GRAMD2B: variants seen among roughly 807,000 people sequenced by gnomAD.
GRAMD2B encodes GRAM domain containing 2B.
Under a neutral mutation model 59.2 loss-of-function variants are expected in GRAMD2B, and 41 were observed. The observed-to-expected ratio is 0.69, with a 90% CI of 0.54 to 0.90. The LOEUF (loss-of-function observed/expected upper bound fraction) is 0.90. GRAMD2B is among the 40% of genes least tolerant of loss of function. The pLI is 0.00. For synonymous variants in GRAMD2B, 161 were observed against 182.7 expected, an observed-to-expected ratio of 0.88 and a Z score of 0.96; for missense variants, 424 against 500.5, an observed-to-expected ratio of 0.85 and a Z score of 1.46.
chr5:126,369,439 G>A (rs1396158810), upstream of GRAMD2B, among the ~76,000 whole-genome samples: 1 of 152,234 alleles, frequency 6.6e-6, no homozygotes, highest in East Asian at 1.9e-4. Flanking sequence ...AAATTATCTA[G>A]TAGAGATGCT....
intron 1 of GRAMD2B, among the ~76,000 whole-genome samples, chr5:126,451,257 T>C (rs1241445890): frequency 6.6e-6 from 1 of 152,268 alleles, no homozygotes; most frequent in Non-Finnish European, 1.5e-5. Flanking sequence ...TTCTGTTGTT[T>C]ACAAGTATGT....
intron 1 of GRAMD2B, among the ~76,000 whole-genome samples, chr5:126,394,167 C>T (rs555394053): frequency 2.0e-5 from 3 of 151,080 alleles, no homozygotes; most frequent in East Asian, 2.0e-4. Context: ...CCCAGCTACT[C>T]GGGAGGCTGA....
At chr5:126,454,887 T>C (rs547434890) in intron 1 of GRAMD2B, among the ~76,000 whole-genome samples, 2 of 152,352 alleles carry the variant, frequency 1.3e-5, no homozygotes, top group South Asian at 4.1e-4. Context: ...TATTTGGGGC[T>C]CCTTTGGTTT....
chr5:126,406,357 AAAAT>A (rs1054908919), intron 1 of GRAMD2B, among the ~76,000 whole-genome samples: 22 of 151,974 alleles, frequency 1.4e-4, no homozygotes, highest in African/African-American at 4.8e-4. Flanking sequence ...AAGTATAATA[AAAAT>A]AAATAAATAA....
intron 1 of GRAMD2B, among the ~76,000 whole-genome samples, chr5:126,462,190 T>C (rs772314596): frequency 6.6e-6 from 1 of 152,252 alleles, no homozygotes; most frequent in African/African-American, 2.4e-5. Flanking sequence ...GGGCTTTGTC[T>C]TCTGGTTAAA....
chr5:126,469,900 A>G, intron 3 of GRAMD2B, 112 bp downstream of exon 3: 1 of 705,884 alleles, frequency 1.4e-6, no homozygotes, highest in Non-Finnish European at 2.5e-6. Flanking sequence ...TAATATAGGT[A>G]TAGAGTTTAG....
intron 1 of GRAMD2B, among the ~76,000 whole-genome samples, chr5:126,377,227 C>G (rs995798): frequency 0.92 from 138,383 of 150,058 alleles, 64,176 homozygotes; most frequent in East Asian, 1. Context: ...TTAAGCTCTG[C>G]GTAACTTCCC....
intron 1 of GRAMD2B, among the ~76,000 whole-genome samples, chr5:126,427,944 C>T (rs1487735275): frequency 2.0e-5 from 3 of 152,006 alleles, no homozygotes; most frequent in Non-Finnish European, 4.4e-5. Context: ...TCCAGGTCAT[C>T]AGATCTGACA....
At chr5:126,452,775 T>C (rs1765598015) in intron 1 of GRAMD2B, among the ~76,000 whole-genome samples, 2 of 152,200 alleles carry the variant, frequency 1.3e-5, no homozygotes, top group African/African-American at 4.8e-5. Context: ...ACAGTTTTGT[T>C]CTCTCTTTGA....
rs1754158547 is a variant in GRAMD2B at position 126,360,235 on chromosome 5, T to A, written c.-97T>A. On this transcript the variant is annotated 5_prime_UTR_variant, in exon 1 of 14. Coordinates refer to the GRAMD2B transcript ENST00000513040. The stretch of plus-strand genomic sequence containing the variant: ...ACTTGTGAGCGAAAAGCACACCAAC[T>A]GGCTCAAAGAGCTGTGGTTGGGCAG... 3 of 1,402,420 alleles carry A rather than the reference T, an allele frequency of 2.1e-6. No individual in the cohort carries two copies. The East Asian group carries it at 7.6e-5, about 35-fold the overall frequency. 86.9% of individuals were successfully genotyped at this position (1,402,420 alleles called of 1,614,324 possible).
At chr5:126,413,913 G>A (rs1759043631) in intron 1 of GRAMD2B, among the ~76,000 whole-genome samples, 2 of 152,104 alleles carry the variant, frequency 1.3e-5, no homozygotes, top group South Asian at 2.1e-4. Flanking sequence ...TTGTGGCTTA[G>A]AGAAGGCAAG....
At chr5:126,491,600 T>G (rs1249645211) in intron 13 of GRAMD2B, among the ~76,000 whole-genome samples, 1 of 152,198 alleles carries the variant, frequency 6.6e-6, no homozygotes, top group Non-Finnish European at 1.5e-5. Context: ...CTCACTCACC[T>G]GAGAACACCC....
intron 1 of GRAMD2B, among the ~76,000 whole-genome samples, chr5:126,442,345 T>C (rs1013172233): frequency 6.6e-6 from 1 of 150,860 alleles, no homozygotes; most frequent in African/African-American, 2.4e-5. Context: ...GGCTGGAGTG[T>C]AATGGTGTGA....
At chr5:126,371,862 G>A (rs1363715082) in intron 1 of GRAMD2B, among the ~76,000 whole-genome samples, 2 of 152,084 alleles carry the variant, frequency 1.3e-5, no homozygotes, top group African/African-American at 4.8e-5. Flanking sequence ...CTCAATTCTT[G>A]ACTCACTCTC....
At chr5:126,472,062 G>C (rs1769690470) in intron 3 of GRAMD2B, among the ~76,000 whole-genome samples, 176 bp from the exon 4 acceptor site, 1 of 152,196 alleles carries the variant, frequency 6.6e-6, no homozygotes, top group Admixed American at 6.5e-5. Flanking sequence ...AAATGAAACT[G>C]TGTGCCCAGA....
chr5:126,361,098 T>C (rs896872589), intron 1 of GRAMD2B, among the ~76,000 whole-genome samples: 1 of 152,234 alleles, frequency 6.6e-6, no homozygotes, highest in African/African-American at 2.4e-5. Flanking sequence ...TAGAGATATT[T>C]AATTTGTTTA....
intron 1 of GRAMD2B, among the ~76,000 whole-genome samples, chr5:126,439,997 G>A (rs1763036290): frequency 1.3e-5 from 2 of 151,996 alleles, no homozygotes; most frequent in African/African-American, 4.8e-5. Context: ...GCAGTCATGT[G>A]GAACAGTGAC....
At chr5:126,475,706 CT>C (rs1435882225) in intron 5 of GRAMD2B, among the ~76,000 whole-genome samples, 4 of 152,234 alleles carry the variant, frequency 2.6e-5, no homozygotes, top group African/African-American at 9.6e-5. Flanking sequence ...TGGCTCACGC[CT>C]GTAATCCAGC....
chr5:126,408,491 G>C (rs1025552413), intron 1 of GRAMD2B, among the ~76,000 whole-genome samples: 1 of 151,434 alleles, frequency 6.6e-6, no homozygotes, highest in Non-Finnish European at 1.5e-5. Flanking sequence ...GAGTCAAAAT[G>C]GTAGTTCTGT....
Sources: allele counts gnomAD v4.1 joint callset (sites outside exome capture counted in the v4.1 genomes callset), GRCh38; gene constraint gnomAD v4.1.1; transcripts MANE v1.5; gene names NCBI Gene and HGNC (gene_info 2026-07-23, HGNC 2026-07-21).